ZFHX3: variants seen among roughly 807,000 people sequenced by gnomAD.
The protein encoded by ZFHX3 is zinc finger homeobox 3.
Under a neutral mutation model 279.1 loss-of-function variants are expected in ZFHX3, and 42 were observed. The ratio of observed to expected loss-of-function variants is 0.15; its 90% CI spans 0.12 to 0.19. The LOEUF (loss-of-function observed/expected upper bound fraction) is 0.19, where lower values mean the gene tolerates loss of function less well. Among genes scored for constraint, ZFHX3 ranks in the 10% least tolerant of loss-of-function variants. The pLI, the probability that ZFHX3 is intolerant of heterozygous loss-of-function variation, is 1.00. For missense variants in ZFHX3, 4,981 were observed against 4,754.0 expected, an observed-to-expected ratio of 1.05 and a Z score of -1.40; for synonymous variants, 2,293 against 1,957.8, an observed-to-expected ratio of 1.17 and a Z score of -4.52.
chr16:73,754,145 A>G (rs1157959145), intron 1 of ZFHX3, among the ~76,000 whole-genome samples: 1 of 152,076 alleles, frequency 6.6e-6, no homozygotes, highest in Non-Finnish European at 1.5e-5. Flanking sequence ...GGTTCTCCCA[A>G]ACTTACTGAC....
chr16:73,857,068 C>A (rs1305040803), intron 1 of ZFHX3, among the ~76,000 whole-genome samples: 1 of 152,192 alleles, frequency 6.6e-6, no homozygotes, highest in African/African-American at 2.4e-5. Flanking sequence ...CCTTTCCTAC[C>A]AATTAAAGGT....
At chr16:73,083,347 A>G (rs1965972585) in intron 8 of ZFHX3, 1 of 152,372 alleles carries the variant, frequency 6.6e-6, no homozygotes, top group South Asian at 2.1e-4. Context: ...AGGATGTGAC[A>G]TGGCTGGACA....
At chr16:73,748,783 TTTTA>T (rs949380257) in intron 1 of ZFHX3, among the ~76,000 whole-genome samples, 7 of 152,104 alleles carry the variant, frequency 4.6e-5, no homozygotes, top group Non-Finnish European at 5.9e-5. Context: ...CTCACCTTTC[TTTTA>T]TTTATTTATT....
intron 3 of ZFHX3, among the ~76,000 whole-genome samples, chr16:73,416,868 C>A (rs909743537): frequency 2.2e-4 from 34 of 151,624 alleles, no homozygotes; most frequent in African/African-American, 6.8e-4. Context: ...AGCGAGACTC[C>A]GTCTCAAACA....
At chr16:72,895,993 TG>T (rs1258552202) in intron 3 of ZFHX3, among the ~76,000 whole-genome samples, 2 of 152,350 alleles carry the variant, frequency 1.3e-5, no homozygotes, top group East Asian at 3.9e-4. Context: ...CATCTATGCT[TG>T]GCAATTGAAT....
chr16:72,826,851 A>G (rs760443404), intron 5 of ZFHX3, among the ~76,000 whole-genome samples: 2 of 152,164 alleles, frequency 1.3e-5, no homozygotes, highest in Non-Finnish European at 2.9e-5. Flanking sequence ...AAGGACATTC[A>G]TTTTTTATGG....
chr16:72,971,426 C>T (rs374420459), intron 1 of ZFHX3, among the ~76,000 whole-genome samples: 3 of 152,160 alleles, frequency 2.0e-5, no homozygotes, highest in Non-Finnish European at 2.9e-5. Flanking sequence ...TTGATCCTTG[C>T]GGCAGCCCAC....
At chr16:73,760,110 G>A (rs1361167002) in intron 1 of ZFHX3, among the ~76,000 whole-genome samples, 1 of 151,700 alleles carries the variant, frequency 6.6e-6, no homozygotes, top group East Asian at 1.9e-4. Flanking sequence ...TGATAAAGAG[G>A]ATGTCACTAC....
intron 5 of ZFHX3, among the ~76,000 whole-genome samples, chr16:73,158,130 A>ACAC (rs1161991920): frequency 2.0e-5 from 3 of 152,204 alleles, no homozygotes; most frequent in Non-Finnish European, 4.4e-5. Flanking sequence ...TAAGAATGGG[A>ACAC]CACTGCAGGT....
upstream of ZFHX3, among the ~76,000 whole-genome samples, chr16:73,062,468 C>G (rs182685563): frequency 1.5e-4 from 23 of 152,152 alleles, no homozygotes; most frequent in East Asian, 4.2e-3. Context: ...CACTTCTTTG[C>G]AAATATAACA....
At chr16:72,854,177 T>C (rs1478419313) in intron 4 of ZFHX3, among the ~76,000 whole-genome samples, 1 of 152,234 alleles carries the variant, frequency 6.6e-6, no homozygotes, top group Non-Finnish European at 1.5e-5. Context: ...ATAAAGATAC[T>C]AGCATAAAGG....
chr16:73,482,885 A>T (rs916557347), intron 2 of ZFHX3, among the ~76,000 whole-genome samples: 1 of 152,254 alleles, frequency 6.6e-6, no homozygotes, highest in African/African-American at 2.4e-5. Flanking sequence ...AAAGCTTTGG[A>T]TCTTTCAATC....
chr16:73,754,805 A>AAT (rs2053793665), intron 1 of ZFHX3, among the ~76,000 whole-genome samples: 1 of 152,132 alleles, frequency 6.6e-6, no homozygotes, highest in African/African-American at 2.4e-5. Flanking sequence ...AAAATGACAC[A>AAT]ATATATATAA....
intron 4 of ZFHX3, among the ~76,000 whole-genome samples, chr16:72,871,306 G>A (rs1445551575): frequency 2.0e-5 from 3 of 151,298 alleles, no homozygotes; most frequent in Non-Finnish European, 4.4e-5. Flanking sequence ...CTCCCAAGTA[G>A]CTAGGATCAC....
At chr16:73,494,199 G>C (rs2019098627) in intron 2 of ZFHX3, among the ~76,000 whole-genome samples, 1 of 152,120 alleles carries the variant, frequency 6.6e-6, no homozygotes, top group African/African-American at 2.4e-5. Flanking sequence ...AATTCGTTCA[G>C]GTCCCTAAGT....
rs1238450486 is a variant in ZFHX3, at chr16:72,785,890, T to C, written c.*1274A>G. On this transcript the variant is annotated 3_prime_UTR_variant, in exon 10 of 10. Coordinates refer to ENST00000268489, the MANE Select transcript of ZFHX3 (RefSeq NM_006885.4). ...AGCTAACAGACACAGGTAACTAGAA[T>C]TATATGCCTTTAAAAAGTTTCAACT... 6.6e-6 allele frequency: 1 copy of C among 152,064 alleles called. No individual in the cohort carries two copies. The highest frequency in any genetic ancestry group is 1.9e-4 in the East Asian group (1 of 5,194). The allele number at this position is 152,064 out of a possible 1,614,324, so 9.4% of individuals were successfully genotyped here. A position where few individuals can be genotyped will look rare whatever the true frequency, so the allele number is the denominator to read the frequency against.
At chr16:73,878,300 C>A (rs1444285987) in intron 1 of ZFHX3, among the ~76,000 whole-genome samples, 11 of 152,000 alleles carry the variant, frequency 7.2e-5, no homozygotes. Context: ...AGGTAATATA[C>A]ATGAAACCGA....
At chr16:72,798,812 C>T (rs934828555) in intron 8 of ZFHX3, 98 bp from the exon 9 acceptor site, 41 of 1,455,248 alleles carry the variant, frequency 2.8e-5, no homozygotes, top group Non-Finnish European at 3.4e-5. Flanking sequence ...CTCATGAACA[C>T]AGAATCTGAT....
chr16:73,166,270 G>A (rs141558117), intron 5 of ZFHX3, among the ~76,000 whole-genome samples: 192 of 152,236 alleles, frequency 1.3e-3, no homozygotes, highest in African/African-American at 4.5e-3. Flanking sequence ...GAGATTTATG[G>A]GGCTTCATAC....
Sources: allele counts gnomAD v4.1 joint callset (sites outside exome capture counted in the v4.1 genomes callset), GRCh38; gene constraint gnomAD v4.1.1; transcripts MANE v1.5; gene names NCBI Gene and HGNC (gene_info 2026-07-23, HGNC 2026-07-21).